CTNNA3: variants seen among roughly 807,000 people sequenced by gnomAD.
CTNNA3 encodes the protein catenin alpha 3, also known as catenin alpha-3.
Under a neutral mutation model 95.7 loss-of-function variants are expected in CTNNA3, and 76 were observed. The ratio of observed to expected loss-of-function variants is 0.79; its 90% CI spans 0.66 to 0.96. The LOEUF (loss-of-function observed/expected upper bound fraction) is 0.96, where lower values mean the gene tolerates loss of function less well. Among genes scored for constraint, CTNNA3 ranks in the 40% least tolerant of loss-of-function variants. CTNNA3 has a pLI of 0.00. For missense variants in CTNNA3, 1,191 were observed against 1,089.8 expected (o/e 1.09, Z -1.31); for synonymous variants, 431 against 374.4 (o/e 1.15, Z -1.74).
At chr10:67,257,182 C>T (rs1465549388) in intron 5 of CTNNA3, among the ~76,000 whole-genome samples, 1 of 152,144 alleles carries the variant, frequency 6.6e-6, no homozygotes, top group Non-Finnish European at 1.5e-5. Context: ...CACAGCTGGG[C>T]ATTTAAGACC....
intron 11 of CTNNA3, among the ~76,000 whole-genome samples, chr10:66,483,818 G>C (rs1054151815): frequency 2.6e-5 from 4 of 152,006 alleles, no homozygotes; most frequent in African/African-American, 9.7e-5. Context: ...TAAGCCAGAT[G>C]GGGCTAATGA....
rs191365708 is a variant in CTNNA3, at chr10:67,473,560, G to C, written c.579+48282C>G. ...AGCTATCACTTTCCATCCAAGACTA[G>C]AGTCTAAGTATACCTTTGCATAACT... On this transcript the variant is annotated intron_variant, in intron 5 of 17. Coordinates refer to ENST00000433211, the MANE Select transcript of CTNNA3 (RefSeq NM_013266.4). Among the ~76,000 whole-genome samples, 552 of 152,222 alleles carry C rather than the reference G, an allele frequency of 3.6e-3. 7 individuals are homozygous for C. The highest frequency in any genetic ancestry group is 0.013 in the African/African-American group (529 of 41,534).
intron 9 of CTNNA3, among the ~76,000 whole-genome samples, chr10:66,650,406 T>A (rs1434089384): frequency 6.6e-6 from 1 of 152,162 alleles, no homozygotes; most frequent in Non-Finnish European, 1.5e-5. Context: ...TTAAACAATA[T>A]GCTCTTTAAC....
intron 14 of CTNNA3, among the ~76,000 whole-genome samples, chr10:66,088,348 A>C (rs1349512526): frequency 1.3e-5 from 2 of 152,046 alleles, no homozygotes; most frequent in Non-Finnish European, 2.9e-5. Context: ...TTAACATTAT[A>C]AAGTAGACCA....
chr10:66,837,932 T>C (rs1196181651), intron 7 of CTNNA3, among the ~76,000 whole-genome samples: 1 of 152,084 alleles, frequency 6.6e-6, no homozygotes, highest in Non-Finnish European at 1.5e-5. Context: ...TCCATATTCA[T>C]AGCTTTCAAA....
chr10:67,263,873 G>A (rs1461731342), intron 5 of CTNNA3, among the ~76,000 whole-genome samples: 1 of 152,052 alleles, frequency 6.6e-6, no homozygotes, highest in African/African-American at 2.4e-5. Context: ...TCCAATAAAT[G>A]AGGCAATGCT....
intron 5 of CTNNA3, among the ~76,000 whole-genome samples, chr10:67,422,370 G>A (rs1002416937): frequency 1.4e-4 from 21 of 152,262 alleles, no homozygotes; most frequent in African/African-American, 4.8e-4. Flanking sequence ...CCAGAAGGAA[G>A]AGAGAGAGAA....
rs1589092113 is a variant in CTNNA3 at position 66,327,621 on chromosome 10, A to T, written c.1733-47000T>A. Among the ~76,000 whole-genome samples, 6 of 152,086 alleles carry T rather than the reference A, an allele frequency of 3.9e-5. No individual in the cohort carries two copies. The South Asian group carries it at 1.2e-3, about 32-fold the overall frequency. ...ATTACCCTATCAATTTTCCCTCAAAAATATTATCTCTAATCTTATTCTCTC... is the reference window on the plus strand; with the variant it reads ...ATTACCCTATCAATTTTCCCTCAAATATATTATCTCTAATCTTATTCTCTC... On this transcript the variant is annotated intron_variant, in intron 12 of 17. Transcript: ENST00000433211.
chr10:67,747,000 C>T (rs1841378076), intron 1 of CTNNA3, among the ~76,000 whole-genome samples: 1 of 152,194 alleles, frequency 6.6e-6, no homozygotes, highest in South Asian at 2.1e-4. Context: ...TACAGCACAC[C>T]ACCTGTGGCA....
chr10:67,700,152 C>A (rs1841024574), upstream of CTNNA3, among the ~76,000 whole-genome samples: 1 of 152,244 alleles, frequency 6.6e-6, no homozygotes, highest in Admixed American at 6.5e-5. Context: ...CACCACAGCT[C>A]AAGGAGGCCT....
At chr10:67,083,033 A>C (rs1857128438) in intron 7 of CTNNA3, among the ~76,000 whole-genome samples, 2 of 152,168 alleles carry the variant, frequency 1.3e-5, no homozygotes, top group South Asian at 4.1e-4. Context: ...TTCTCACAAA[A>C]AAGCAGGTGT....
rs552389422 is a variant in CTNNA3 at position 67,748,398 on chromosome 10, C to A, written c.-2+15036G>T. ...AAAAGGAATCCCATCAGACTAACAG[C>A]AGACCTCTCAGCAGAAGCCCTACAA... On this transcript the variant is annotated intron_variant, in intron 1 of 17. Transcript: ENST00000684154. Among the ~76,000 whole-genome samples, 7 of 152,294 alleles carry A rather than the reference C, an allele frequency of 4.6e-5. No homozygotes were observed. In the South Asian group the frequency reaches 1.4e-3, roughly 32 times the overall value.
chr10:65,919,331 C>G lies in CTNNA3; in HGVS notation c.*999G>C, dbSNP rs2077047049. On this transcript the variant is annotated 3_prime_UTR_variant, in exon 18 of 18. Transcript: ENST00000433211. ...ATCACTCCAGCTTCATTGCCATTAA[C>G]TGCTTCATAGTTCAATGGTACAGTT... 1 of 152,202 alleles carries G rather than the reference C, an allele frequency of 6.6e-6. No individual in the cohort carries two copies. The highest frequency in any genetic ancestry group is 1.5e-5 in the Non-Finnish European group (1 of 68,034). 9.4% of individuals were successfully genotyped at this position (152,202 alleles called of 1,614,324 possible).
At chr10:67,451,290 G>A (rs769217310) in intron 5 of CTNNA3, among the ~76,000 whole-genome samples, 3 of 152,066 alleles carry the variant, frequency 2.0e-5, no homozygotes, top group East Asian at 3.9e-4. Context: ...TATAAATTAC[G>A]CAGTCTGTGG....
chr10:67,723,120 G>T (rs189180702), intron 1 of CTNNA3, among the ~76,000 whole-genome samples: 2 of 151,604 alleles, frequency 1.3e-5, no homozygotes, highest in Non-Finnish European at 1.5e-5. Flanking sequence ...CCAAGTAGCT[G>T]GGACTACAGA....
chr10:66,473,248 C>A (rs996643446), intron 11 of CTNNA3, among the ~76,000 whole-genome samples: 1 of 151,864 alleles, frequency 6.6e-6, no homozygotes, highest in Non-Finnish European at 1.5e-5. Flanking sequence ...TAGGGAGAGA[C>A]CTGATGGGAG....
chr10:65,985,490 G>A (rs1029303036), intron 16 of CTNNA3, among the ~76,000 whole-genome samples: 1 of 151,078 alleles, frequency 6.6e-6, no homozygotes, highest in Admixed American at 6.6e-5. Context: ...AAACTAAAAT[G>A]TTTATGAACA....
chr10:67,427,790 T>C (rs1385610921), intron 5 of CTNNA3, among the ~76,000 whole-genome samples: 1 of 152,012 alleles, frequency 6.6e-6, no homozygotes, highest in East Asian at 1.9e-4. Context: ...TTGAAGGCTG[T>C]CCTCACCAGA....
chr10:67,648,842 G>A (rs931216421), intron 1 of CTNNA3: 58 of 1,232,882 alleles, frequency 4.7e-5, no homozygotes, highest in South Asian at 2.6e-4. Context: ...CACGCTTCAA[G>A]AAAGGCTCCA....
Sources: gnomAD v4.1 joint callset for allele counts (sites outside exome capture counted in the v4.1 genomes callset) on GRCh38, gnomAD v4.1.1 for gene constraint, MANE v1.5 for transcripts, NCBI Gene and HGNC (gene_info 2026-07-23, HGNC 2026-07-21) for gene names.